PAM: variants seen among roughly 807,000 people sequenced by gnomAD.
The protein encoded by PAM is peptidyl-glycine alpha-amidating monooxygenase.
A neutral mutation model predicts 122.1 loss-of-function variants in PAM; 72 were observed. The ratio of observed to expected loss-of-function variants is 0.59; its 90% CI spans 0.49 to 0.72. The LOEUF (loss-of-function observed/expected upper bound fraction) is 0.72, where lower values mean the gene tolerates loss of function less well. Among genes scored for constraint, PAM ranks in the 30% least tolerant of loss-of-function variants. The pLI, the probability that PAM is intolerant of heterozygous loss-of-function variation, is 0.00. For synonymous variants in PAM, 389 were observed against 404.4 expected (o/e 0.96, Z 0.46); for missense variants, 1,106 against 1,183.7 (o/e 0.93, Z 0.96).
rs7725056 is a variant in PAM at position 102,955,213 on chromosome 5, T to G, written c.905+4393T>G. On this transcript the variant is annotated intron_variant, in intron 12 of 25. Coordinates refer to ENST00000438793, the MANE Select transcript of PAM (RefSeq NM_001177306.2). ...GAATACAATGATATTTGGAAGTTTT[T>G]AAGTCATACATTTCAGATTACTTGG... is the stretch of plus-strand genomic sequence containing the variant. Among the ~76,000 whole-genome samples the G allele has an allele frequency of 9.2e-3, 1,399 of 152,196 alleles. 17 individuals are homozygous for G. The highest frequency in any genetic ancestry group is 0.031 in the African/African-American group (1,284 of 41,570).
rs528272872 is a variant in PAM at position 103,029,297 on chromosome 5, C to A, written c.*232C>A. Reference sequence around the variant, plus strand: ...TTATATGAACATAGACTAGAGAAACCGTCCTCTTTTTCCATCATAATTCTA... The same window carrying A: ...TTATATGAACATAGACTAGAGAAACAGTCCTCTTTTTCCATCATAATTCTA... On this transcript the variant is annotated 3_prime_UTR_variant, in exon 26 of 26. Coordinates refer to ENST00000438793, the MANE Select transcript of PAM (RefSeq NM_001177306.2). 3.6e-5 allele frequency: 13 copies of A among 362,918 alleles called. No homozygotes were observed. Among genetic ancestry groups the A allele is most frequent in the African/African-American group, 2.1e-4 (10 of 47,886 alleles). 22.5% of individuals were successfully genotyped at this position (362,918 alleles called of 1,614,324 possible). A position where few individuals can be genotyped will look rare whatever the true frequency, so the allele number is the denominator to read the frequency against.
At chr5:102,960,903 G>A (rs1762291597) in intron 13 of PAM, among the ~76,000 whole-genome samples, 1 of 142,800 alleles carries the variant, frequency 7.0e-6, no homozygotes, top group Non-Finnish European at 1.5e-5. Flanking sequence ...TGAAAATTCT[G>A]TATCATTTAT....
At chr5:102,846,291 T>C (rs1181168555) in intron 1 of PAM, among the ~76,000 whole-genome samples, 1 of 152,184 alleles carries the variant, frequency 6.6e-6, no homozygotes, top group African/African-American at 2.4e-5. Flanking sequence ...ACCTATAGGA[T>C]AAAGATAAAT....
chr5:102,952,324 C>T (rs59913421), intron 12 of PAM, among the ~76,000 whole-genome samples: 2,313 of 152,108 alleles, frequency 0.015, 61 homozygotes, highest in African/African-American at 0.053. Flanking sequence ...GATGGGAGGC[C>T]AAAGTGATCT....
chr5:102,987,390 G>C (rs1772224712), intron 15 of PAM: 1 of 328,666 alleles, frequency 3.0e-6, no homozygotes, highest in African/African-American at 2.2e-5. Flanking sequence ...GCCTGGGAAA[G>C]ATTCAGGGGA....
intron 17 of PAM, among the ~76,000 whole-genome samples, chr5:103,004,046 AC>A (rs1285937164): frequency 1.3e-5 from 2 of 152,040 alleles, no homozygotes; most frequent in African/African-American, 4.8e-5. Flanking sequence ...TTGTAACTTG[AC>A]AGCTTCAGGA....
chr5:103,006,255 T>C (rs924699111), intron 18 of PAM, among the ~76,000 whole-genome samples: 1 of 152,276 alleles, frequency 6.6e-6, no homozygotes, highest in Middle Eastern at 3.4e-3. Context: ...TATTTCTATT[T>C]TTTTACTTAT....
At chr5:102,786,066 T>G (rs1760443819) in intron 1 of PAM, among the ~76,000 whole-genome samples, 1 of 152,234 alleles carries the variant, frequency 6.6e-6, no homozygotes, top group South Asian at 2.1e-4. Context: ...AAAGTTTGCA[T>G]TTTGTAAATT....
chr5:102,796,002 TTAAAGGCTTC>T (rs1763287570), intron 1 of PAM, among the ~76,000 whole-genome samples: 1 of 152,186 alleles, frequency 6.6e-6, no homozygotes. Flanking sequence ...GATATTTTGT[TTAAAGGCTTC>T]TAAATGATCC....
At chr5:102,814,516 T>C (rs974270845) in intron 1 of PAM, among the ~76,000 whole-genome samples, 2 of 144,646 alleles carry the variant, frequency 1.4e-5, no homozygotes, top group Admixed American at 6.8e-5. Context: ...TCTCTCTCTC[T>C]CCCTCTCTCT....
chr5:102,852,828 T>TA (rs1485244985), intron 1 of PAM, among the ~76,000 whole-genome samples: 36 of 152,218 alleles, frequency 2.4e-4, no homozygotes, highest in Admixed American at 2.4e-3. Flanking sequence ...TGATTACACA[T>TA]ACAGCATTTA....
chr5:102,831,443 T>A (rs1174191538), intron 1 of PAM, among the ~76,000 whole-genome samples: 2 of 152,070 alleles, frequency 1.3e-5, no homozygotes, highest in Non-Finnish European at 2.9e-5. Context: ...TTTCCTTTTT[T>A]TTTTTACAAA....
rs936364039 is a variant in PAM at position 103,029,173 on chromosome 5, G to A, written c.*108G>A. ...ATTTAATTGTAAACTGTACTAGTCT[G>A]TGTGGGACTGTACACACTTTATTTA... On this transcript the variant is annotated 3_prime_UTR_variant, in exon 26 of 26. Coordinates refer to ENST00000438793, the MANE Select transcript of PAM (RefSeq NM_001177306.2). 1.2e-6 allele frequency: 1 copy of A among 827,488 alleles called. No homozygotes were observed. The highest frequency in any genetic ancestry group is 1.8e-6 in the Non-Finnish European group (1 of 546,056). 51.3% of individuals were successfully genotyped at this position (827,488 alleles called of 1,614,324 possible).
chr5:102,807,238 A>C (rs1047879085), intron 1 of PAM, among the ~76,000 whole-genome samples: 5 of 152,240 alleles, frequency 3.3e-5, no homozygotes, highest in African/African-American at 1.2e-4. Flanking sequence ...TACTTATTAA[A>C]GTGTTGCATC....
intron 1 of PAM, among the ~76,000 whole-genome samples, chr5:102,792,870 C>A (rs923817095): frequency 4.6e-5 from 7 of 152,162 alleles, no homozygotes; most frequent in Non-Finnish European, 1.0e-4. Context: ...TGCAGCCACA[C>A]ACACACAAAA....
chr5:102,914,085 A>G, intron 5 of PAM, 64 bp downstream of exon 5: 1 of 836,924 alleles, frequency 1.2e-6, no homozygotes, highest in East Asian at 2.4e-5. Flanking sequence ...TGCAAAGTGT[A>G]TCTGTGCAAG....
At chr5:102,870,669 G>T (rs1312884103) in intron 3 of PAM, among the ~76,000 whole-genome samples, 1 of 152,126 alleles carries the variant, frequency 6.6e-6, no homozygotes, top group Non-Finnish European at 1.5e-5. Context: ...TTTAGAAATG[G>T]ATAATCAGTG....
chr5:103,008,881 T>G (rs1191588911), intron 20 of PAM, among the ~76,000 whole-genome samples: 2 of 152,038 alleles, frequency 1.3e-5, no homozygotes, highest in Admixed American at 1.3e-4. Context: ...TGAGAAGGAA[T>G]ATGGTTAAGA....
chr5:102,983,734 A>G (rs1770750990), intron 15 of PAM, among the ~76,000 whole-genome samples: 1 of 152,206 alleles, frequency 6.6e-6, no homozygotes, highest in African/African-American at 2.4e-5. Flanking sequence ...GAGACACATT[A>G]TAGTGGAATT....
Sources: allele counts gnomAD v4.1 joint callset (sites outside exome capture counted in the v4.1 genomes callset), GRCh38; gene constraint gnomAD v4.1.1; transcripts MANE v1.5; gene names NCBI Gene and HGNC (gene_info 2026-07-23, HGNC 2026-07-21).